RPSA2: variants seen among roughly 807,000 people sequenced by gnomAD.
RPSA2 encodes small ribosomal subunit protein uS2B.
the RPSA2 span, among the ~76,000 whole-genome samples, chr19:23,781,854 T>C: frequency 1.3e-5 from 2 of 152,190 alleles, no homozygotes; most frequent in Admixed American, 6.5e-5. Context: ...TATTTGTCTC[T>C]TTTTCCTGGG....
the RPSA2 span, among the ~76,000 whole-genome samples, chr19:23,835,217 A>AT: frequency 0.98 from 148,557 of 151,884 alleles, 72,743 homozygotes; most frequent in Middle Eastern, 1. Flanking sequence ...ATTTTAATAT[A>AT]TTTTTCTTTG....
At chr19:23,792,979 G>A in the RPSA2 span, among the ~76,000 whole-genome samples, 1 of 152,088 alleles carries the variant, frequency 6.6e-6, no homozygotes, top group African/African-American at 2.4e-5. Context: ...TTCTTAGGAG[G>A]GACATAAAAT....
chr19:23,792,333 A>G, the RPSA2 span, among the ~76,000 whole-genome samples: 1 of 152,160 alleles, frequency 6.6e-6, no homozygotes, highest in Non-Finnish European at 1.5e-5. Context: ...AAATTTCCCA[A>G]CCTGATTATC....
At chr19:23,813,562 C>A in the RPSA2 span, among the ~76,000 whole-genome samples, 5 of 151,670 alleles carry the variant, frequency 3.3e-5, no homozygotes, top group African/African-American at 9.7e-5. Context: ...AATAATATTC[C>A]ATTGTATCAA....
At chr19:23,766,573 G>T in the RPSA2 span, among the ~76,000 whole-genome samples, 1 of 150,476 alleles carries the variant, frequency 6.6e-6, no homozygotes, top group Non-Finnish European at 1.5e-5. Context: ...TCCTGCCTCA[G>T]CCTTCCGAGT....
chr19:23,767,366 A>C, the RPSA2 span, among the ~76,000 whole-genome samples: 1 of 152,194 alleles, frequency 6.6e-6, no homozygotes, highest in South Asian at 2.1e-4. Flanking sequence ...GGTGTGAGCC[A>C]CCACGCCTGG....
At chr19:23,793,238 A>T in the RPSA2 span, among the ~76,000 whole-genome samples, 1 of 148,676 alleles carries the variant, frequency 6.7e-6, no homozygotes, top group Non-Finnish European at 1.5e-5. Context: ...TTTCCCTTAA[A>T]GTCTTCCTGG....
the RPSA2 span, among the ~76,000 whole-genome samples, chr19:23,855,782 G>A: frequency 6.6e-6 from 1 of 152,080 alleles, no homozygotes; most frequent in Non-Finnish European, 1.5e-5. Flanking sequence ...ACTGGATGAG[G>A]GACCAAAATG....
the RPSA2 span, among the ~76,000 whole-genome samples, chr19:23,772,248 T>C: frequency 1.3e-5 from 2 of 152,070 alleles, no homozygotes; most frequent in African/African-American, 4.8e-5. Flanking sequence ...CCAGGGAGCA[T>C]TGTGACAGTG....
the RPSA2 span, among the ~76,000 whole-genome samples, chr19:23,862,739 C>T: frequency 2.9e-4 from 42 of 144,060 alleles, 1 homozygote; most frequent in Non-Finnish European, 1.7e-4. Context: ...GCACATGTAC[C>T]CTAAAACTTA....
chr19:23,831,975 TA>T, the RPSA2 span: 1 of 380,464 alleles, frequency 2.6e-6, no homozygotes, highest in South Asian at 2.5e-5. Flanking sequence ...CCTACAAATG[TA>T]AAAAATGTGG....
At chr19:23,867,338 C>A in the RPSA2 span, among the ~76,000 whole-genome samples, 15 of 152,184 alleles carry the variant, frequency 9.9e-5, no homozygotes, top group Admixed American at 3.9e-4. Flanking sequence ...CATGTACTTT[C>A]CAGCCTTATG....
chr19:23,779,493 T>C, the RPSA2 span, among the ~76,000 whole-genome samples: 1 of 152,202 alleles, frequency 6.6e-6, no homozygotes, highest in Non-Finnish European at 1.5e-5. Context: ...TTCAGCTCTC[T>C]CACATGGATC....
chr19:23,862,409 A>T, the RPSA2 span, among the ~76,000 whole-genome samples: 1 of 151,442 alleles, frequency 6.6e-6, no homozygotes, highest in Admixed American at 6.6e-5. Flanking sequence ...AACTTCCAAC[A>T]CTATGTTGAA....
At chr19:23,826,538 T>G in the RPSA2 span, among the ~76,000 whole-genome samples, 3 of 152,096 alleles carry the variant, frequency 2.0e-5, no homozygotes, top group Non-Finnish European at 4.4e-5. Flanking sequence ...CACTCTGTTT[T>G]TTGTTTTTAA....
chr19:23,826,031 C>CAAAAAAA, the RPSA2 span, among the ~76,000 whole-genome samples: 4 of 143,410 alleles, frequency 2.8e-5, no homozygotes, highest in African/African-American at 7.6e-5. Context: ...TATTTCTTGT[C>CAAAAAAA]AAAAAAAAAC....
the RPSA2 span, among the ~76,000 whole-genome samples, chr19:23,805,823 A>T: frequency 6.6e-6 from 1 of 152,094 alleles, no homozygotes; most frequent in African/African-American, 2.4e-5. Context: ...ACTTTTATAA[A>T]TGCTTGTGAT....
the RPSA2 span, among the ~76,000 whole-genome samples, chr19:23,860,301 C>T: frequency 6.6e-6 from 1 of 152,210 alleles, no homozygotes; most frequent in East Asian, 1.9e-4. Context: ...ACTTGTCCTA[C>T]CCTGTCATCA....
the RPSA2 span, among the ~76,000 whole-genome samples, chr19:23,869,725 C>G: frequency 1.3e-5 from 2 of 152,154 alleles, no homozygotes; most frequent in Non-Finnish European, 2.9e-5. Flanking sequence ...GTGGCATTAT[C>G]TAGGGAGGAA....
Sources: gnomAD v4.1 joint callset for allele counts (sites outside exome capture counted in the v4.1 genomes callset) on GRCh38, gnomAD v4.1.1 for gene constraint, MANE v1.5 for transcripts, NCBI Gene and HGNC (gene_info 2026-07-23, HGNC 2026-07-21) for gene names.